Variants in ST3GAL5 observed in about 807,000 individuals in gnomAD.
ST3GAL5 encodes lactosylceramide alpha-2,3-sialyltransferase.
A neutral mutation model predicts 46.1 loss-of-function variants in ST3GAL5; 25 were observed. That is an observed-to-expected ratio of 0.54 (90% confidence interval 0.40 to 0.76). ST3GAL5 has a LOEUF of 0.76. Ranked by LOEUF, ST3GAL5 falls within the 30% of genes least tolerant of loss-of-function variation. ST3GAL5 has a pLI of 0.00. For synonymous variants in ST3GAL5, 182 were observed against 192.7 expected, an observed-to-expected ratio of 0.94 and a Z score of 0.46; for missense variants, 431 against 521.2, an observed-to-expected ratio of 0.83 and a Z score of 1.69.
intron 1 of ST3GAL5, among the ~76,000 whole-genome samples, chr2:85,868,878 C>T (rs1170867313): frequency 6.6e-6 from 1 of 152,054 alleles, no homozygotes; most frequent in Admixed American, 6.6e-5. Flanking sequence ...CTCAGCCTCC[C>T]GAAGTGCTGG....
intron 5 of ST3GAL5, 91 bp downstream of exon 5, chr2:85,846,286 G>C: frequency 1.7e-6 from 2 of 1,165,626 alleles, no homozygotes; most frequent in Non-Finnish European, 1.3e-6. Flanking sequence ...ATTCCGCTCT[G>C]CGTGTTTAAA....
At position 85,838,184 on chromosome 2, in the gene ST3GAL5, G is replaced by A. The variant is rs1250251149; in HGVS notation, c.*1960C>T. ...GAGAGACATGAGCAAAGCAACCTAA[G>A]GATGCAAGAAGGGCCTTACAGGGAG... On this transcript the variant is annotated 3_prime_UTR_variant, in exon 7 of 7. Coordinates refer to ENST00000638572, the MANE Select transcript of ST3GAL5 (RefSeq NM_003896.4). The A allele has an allele frequency of 6.6e-6, 1 of 152,226 alleles. No individual in the cohort carries two copies. The highest frequency in any genetic ancestry group is 2.4e-5 in the African/African-American group (1 of 41,420). The allele number at this position is 152,226 out of a possible 1,614,324, so 9.4% of individuals were successfully genotyped here.
At position 85,840,176 on chromosome 2, in the gene ST3GAL5, C is replaced by A; in HGVS notation, c.1225G>T (p.Asp409Tyr). The A allele has an allele frequency of 6.2e-7, 1 of 1,614,198 alleles. No individual in the cohort carries two copies. Among genetic ancestry groups the A allele is most frequent in the Non-Finnish European group, 8.5e-7 (1 of 1,180,036 alleles). Residue 409 changes from aspartate to tyrosine, a missense_variant, in exon 7 of 7, where the codon GAT (aspartate) becomes TAT (tyrosine). By Grantham distance (160) the Asp-to-Tyr change is radical. Transcript: ENST00000638572. ...TCACGATCAATGCCTCCACTGAGAT[C>A]TTTCACCACTCCCTCTTTGACCAGC... ...LKLVKEGVVK[D>Y]LSGGIDREF
chr2:85,886,364 G>C (rs1448381074), intron 1 of ST3GAL5, among the ~76,000 whole-genome samples: 2 of 152,202 alleles, frequency 1.3e-5, no homozygotes, highest in Admixed American at 1.3e-4. Flanking sequence ...GACTCCAGGA[G>C]TTCAAGGCTG....
At chr2:85,885,720 C>T (rs903966776) in intron 1 of ST3GAL5, among the ~76,000 whole-genome samples, 1 of 151,282 alleles carries the variant, frequency 6.6e-6, no homozygotes, top group Admixed American at 6.6e-5. Flanking sequence ...CCCAGCTACT[C>T]GGGAAGCTGA....
At chr2:85,865,190 TTAC>T (rs1260726284) in intron 1 of ST3GAL5, among the ~76,000 whole-genome samples, 1 of 152,234 alleles carries the variant, frequency 6.6e-6, no homozygotes, top group Non-Finnish European at 1.5e-5. Context: ...TAGGCACTAG[TTAC>T]TATTATAATA....
chr2:85,883,597 A>G (rs1268863464), intron 1 of ST3GAL5, among the ~76,000 whole-genome samples: 1 of 152,170 alleles, frequency 6.6e-6, no homozygotes, highest in Non-Finnish European at 1.5e-5. Context: ...GTGCCTCGGG[A>G]GCAGGGACAG....
At chr2:85,879,618 C>A (rs1236719518) in intron 1 of ST3GAL5, among the ~76,000 whole-genome samples, 1 of 152,184 alleles carries the variant, frequency 6.6e-6, no homozygotes, top group African/African-American at 2.4e-5. Flanking sequence ...AACTCTGTGG[C>A]AACCCCATGA....
At chr2:85,857,958 T>C (rs767482603) in intron 3 of ST3GAL5, among the ~76,000 whole-genome samples, 2 of 152,144 alleles carry the variant, frequency 1.3e-5, no homozygotes, top group African/African-American at 2.4e-5. Flanking sequence ...ACATAGTCCC[T>C]ACTCTCAAGT....
chr2:85,884,453 T>C (rs1170121283), intron 1 of ST3GAL5, among the ~76,000 whole-genome samples: 2 of 152,208 alleles, frequency 1.3e-5, no homozygotes, highest in Non-Finnish European at 2.9e-5. Flanking sequence ...TCTTTTCAAT[T>C]TTTAAAATGT....
chr2:85,879,516 C>A (rs1339557973), intron 1 of ST3GAL5, among the ~76,000 whole-genome samples: 1 of 152,126 alleles, frequency 6.6e-6, no homozygotes, highest in East Asian at 1.9e-4. Flanking sequence ...TGCCCCTCCC[C>A]CTGGGGTCCC....
intron 6 of ST3GAL5, among the ~76,000 whole-genome samples, chr2:85,842,710 T>C (rs111385442): frequency 0.02 from 3,047 of 152,204 alleles, 117 homozygotes; most frequent in African/African-American, 0.069. Flanking sequence ...CTGGTGTCTA[T>C]TTCCAAGCTT....
At position 85,868,953 on chromosome 2, in the gene ST3GAL5, G is replaced by A. The variant is rs1343627478; in HGVS notation, c.83-5468C>T. Among the ~76,000 whole-genome samples the A allele has an allele frequency of 7.2e-5, 11 of 152,162 alleles. No homozygotes were observed. In the East Asian group the frequency reaches 2.1e-3, roughly 29 times the overall value. On this transcript the variant is annotated intron_variant, in intron 1 of 6. Transcript: ENST00000638572. The stretch of plus-strand genomic sequence containing the variant: ...ACTTTTAACCAACAAAAAACGATCA[G>A]ACTGCAGGGGAAGAGTGTTCACGTA...
At chr2:85,872,676 A>G (rs759859752) in intron 1 of ST3GAL5, among the ~76,000 whole-genome samples, 16 of 152,064 alleles carry the variant, frequency 1.1e-4, no homozygotes, top group Non-Finnish European at 1.8e-4. Flanking sequence ...GTAGGCCCCA[A>G]GCCACCCACT....
intron 3 of ST3GAL5, among the ~76,000 whole-genome samples, chr2:85,856,934 T>G (rs1187133843): frequency 6.6e-6 from 1 of 150,722 alleles, no homozygotes; most frequent in Non-Finnish European, 1.5e-5. Flanking sequence ...AAAAATGTTT[T>G]AAGGGCAGGG....
At chr2:85,854,123 T>G (rs2104001928) in intron 3 of ST3GAL5, 1 of 152,322 alleles carries the variant, frequency 6.6e-6, no homozygotes, top group African/African-American at 2.4e-5. Context: ...GGGGACTTTC[T>G]CCTTTACTTA....
In ST3GAL5 at chr2:85,839,999, TA is replaced by T; in HGVS notation, c.*144del. The stretch of plus-strand genomic sequence containing the variant: ...ATAGGAAAAAAAAAGTGGGAAGAGC[TA>T]AAATTTTTTTTGTGTTTTTAAATTA... On this transcript the variant is annotated 3_prime_UTR_variant, in exon 7 of 7. Transcript: ENST00000638572. 1.5e-6 allele frequency: 2 copies of T among 1,305,198 alleles called. No individual in the cohort carries two copies. Among genetic ancestry groups the T allele is most frequent in the Non-Finnish European group, 2.1e-6 (2 of 953,126 alleles). The allele number at this position is 1,305,198 out of a possible 1,614,324, so 80.9% of individuals were successfully genotyped here. A position where few individuals can be genotyped will look rare whatever the true frequency, so the allele number is the denominator to read the frequency against.
intron 2 of ST3GAL5, among the ~76,000 whole-genome samples, chr2:85,861,498 A>C (rs1684726572): frequency 1.3e-5 from 2 of 152,292 alleles, no homozygotes; most frequent in South Asian, 4.1e-4. Context: ...CTTTGTTATA[A>C]GCAAACACAG....
chr2:85,873,020 C>G (rs572394739), intron 1 of ST3GAL5, among the ~76,000 whole-genome samples: 2 of 152,278 alleles, frequency 1.3e-5, no homozygotes, highest in African/African-American at 4.8e-5. Context: ...TGTGGGCAGA[C>G]AGAATGAAGG....
Sources: gnomAD v4.1 joint callset for allele counts (sites outside exome capture counted in the v4.1 genomes callset) on GRCh38, gnomAD v4.1.1 for gene constraint, MANE v1.5 for transcripts, NCBI Gene and HGNC (gene_info 2026-07-23, HGNC 2026-07-21) for gene names.